The following CBARP variants were observed in gnomAD, a reference collection of about 807,000 sequenced individuals.
CBARP encodes voltage-dependent calcium channel beta subunit-associated regulatory protein.
In CBARP, 24 loss-of-function variants were observed where a neutral mutation model predicts 36.3. That is an observed-to-expected ratio of 0.66 (90% CI 0.48 to 0.93). The LOEUF is 0.93. Among genes scored for constraint, CBARP ranks in the 40% least tolerant of loss-of-function variants. CBARP has a pLI of 0.00. For synonymous variants in CBARP, 586 were observed against 453.2 expected, an observed-to-expected ratio of 1.29 and a Z score of -3.72; for missense variants, 1,146 against 980.4, an observed-to-expected ratio of 1.17 and a Z score of -2.26.
rs1425389141 is a variant in CBARP at position 1,233,652 on chromosome 19, G to A, written c.769-16C>T. On this transcript the variant is annotated splice_polypyrimidine_tract_variant and intron_variant, in intron 7 of 9. Coordinates refer to ENST00000650044, the MANE Select transcript of CBARP (RefSeq NM_001393918.1). ...CGGCATCCAACTGGCAGGGAACAGA[G>A]ATGGCGCTCAGGCTAAGACTTCTTC... 1 of 1,600,796 alleles carries A rather than the reference G, an allele frequency of 6.2e-7. No individual in the cohort carries two copies. The highest frequency in any genetic ancestry group is 8.5e-7 in the Non-Finnish European group (1 of 1,174,138).
chr19:1,229,379 T>C lies in CBARP; in HGVS notation c.1918A>G (p.Ile640Val). 2.6e-6 allele frequency: 3 copies of C among 1,143,828 alleles called. No homozygotes were observed. Among genetic ancestry groups the C allele is most frequent in the Non-Finnish European group, 3.3e-6 (3 of 915,008 alleles). The allele number at this position is 1,143,828 out of a possible 1,614,324, so 70.9% of individuals were successfully genotyped here. Residue 640 changes from isoleucine to valine, a missense_variant, in exon 10 of 10, where the codon ATC becomes GTC. Transcript: ENST00000650044. This position sits in a 1 kb window ranked among gnomAD's most constrained non-coding sequence, Gnocchi z 5.1. ...TLGGAGDDPA[I>V]PVIEEEPGGG... ...CCCGGCTCCTCCTCGATGACGGGGATGGCGGGGTCGTCGCCGGCGCCGCCC... is the reference window on the plus strand; with the variant it reads ...CCCGGCTCCTCCTCGATGACGGGGACGGCGGGGTCGTCGCCGGCGCCGCCC...
rs960829290 is a variant in CBARP, at chr19:1,229,728, G to A, written c.1569C>T (p.Pro523=). ...AGDDTEPPAA[P]ARPRSPRAWP... Reference sequence around the variant, plus strand: ...AGGCGCGCGGGCTGCGGGGCCGGGCGGGCGCGGCAGGTGGCTCGGTGTCGT... The same window carrying A: ...AGGCGCGCGGGCTGCGGGGCCGGGCAGGCGCGGCAGGTGGCTCGGTGTCGT... Residue 523 remains proline (P), a synonymous_variant, in exon 10 of 10, where the codon CCC becomes CCT. Transcript: ENST00000650044. The surrounding 1 kb of genome is among the most constrained non-coding windows in gnomAD (Gnocchi z 5.1). The A allele has an allele frequency of 6.1e-6, 6 of 984,014 alleles. No homozygotes were observed. Among genetic ancestry groups the A allele is most frequent in the African/African-American group, 1.8e-5 (1 of 56,192 alleles). 61.0% of individuals were successfully genotyped at this position (984,014 alleles called of 1,614,324 possible).
intron 4 of CBARP, 177 bp downstream of exon 4, chr19:1,235,324 C>A: frequency 9.6e-7 from 1 of 1,044,958 alleles, no homozygotes; most frequent in East Asian, 2.8e-5. Context: ...GCTCAGCACG[C>A]GCCTGGGCCC....
chr19:1,231,690 A>T (rs1475438709), intron 8 of CBARP, among the ~76,000 whole-genome samples: 1 of 149,674 alleles, frequency 6.7e-6, no homozygotes, highest in Non-Finnish European at 1.5e-5. Flanking sequence ...TCTCTGTCTC[A>T]CACACACAGG....
In CBARP at chr19:1,229,273, T is replaced by C. The variant is rs1351819346; in HGVS notation, c.2024A>G (p.Glu675Gly). ...VLDKLAAGLD[E>G]RLFPPRLAEP... ...GGCGAGGCGCGGCGGAAAGAGTCTC[T>C]CGTCGAGGCCAGCCGCCAGCTTGTC... The change falls in exon 10 of 10, where the codon GAG becomes GGG. Residue 675 changes from glutamate to glycine, a missense_variant. Glu to Gly is a moderately conservative substitution (Grantham distance 98). Transcript: ENST00000650044. The surrounding 1 kb of genome is among the most constrained non-coding windows in gnomAD (Gnocchi z 5.1). The C allele has an allele frequency of 2.6e-5, 32 of 1,253,198 alleles. No homozygotes were observed. Among genetic ancestry groups the C allele is most frequent in the Non-Finnish European group, 3.1e-5 (30 of 974,942 alleles). The allele number at this position is 1,253,198 out of a possible 1,614,324, so 77.6% of individuals were successfully genotyped here. A position where few individuals can be genotyped will look rare whatever the true frequency, so the allele number is the denominator to read the frequency against.
chr19:1,234,199 C>G lies in CBARP; in HGVS notation c.760G>C (p.Gly254Arg). The G allele has an allele frequency of 6.6e-7, 1 of 1,522,804 alleles. No individual in the cohort carries two copies. The highest frequency in any genetic ancestry group is 8.8e-7 in the Non-Finnish European group (1 of 1,139,852). 94.3% of individuals were successfully genotyped at this position (1,522,804 alleles called of 1,614,324 possible). A position where few individuals can be genotyped will look rare whatever the true frequency, so the allele number is the denominator to read the frequency against. The part of the protein sequence containing the change: ...SPSASSDSGE[G>R]TSLDAGTRST... The stretch of plus-strand genomic sequence containing the variant: ...CACGCAGGGGCCCTCACCGAGGTGC[C>G]TTCCCCAGAGTCGCTAGATGCCGAG... Residue 254 changes from glycine to arginine, a missense_variant, in exon 7 of 10, where the codon GGC becomes CGC. Physicochemically the swap from Gly to Arg is moderately radical, Grantham distance 125. Coordinates refer to ENST00000650044, the MANE Select transcript of CBARP (RefSeq NM_001393918.1).
chr19:1,235,806 C>T lies in CBARP; in HGVS notation c.218G>A (p.Cys73Tyr), dbSNP rs752257864. 1.2e-6 allele frequency: 2 copies of T among 1,609,324 alleles called. No homozygotes were observed. Among genetic ancestry groups the T allele is most frequent in the Non-Finnish European group, 1.7e-6 (2 of 1,179,920 alleles). The change falls in exon 3 of 10, where the codon TGC (cysteine) becomes TAC (tyrosine). Residue 73 changes from cysteine (C) to tyrosine (Y), a missense_variant. Physicochemically the swap from Cys to Tyr is radical, Grantham distance 194. Coordinates refer to ENST00000650044, the MANE Select transcript of CBARP (RefSeq NM_001393918.1). Reference sequence around the variant, plus strand: ...GTTGAGGCGCTGGTGGACGTCCCAGCAGCGCTTGCAGAGGAGCAGGACGCC... The same window carrying T: ...GTTGAGGCGCTGGTGGACGTCCCAGTAGCGCTTGCAGAGGAGCAGGACGCC... ...LSGVLLLCKR[C>Y]WDVHQRLNRA...
rs2080900893 is a variant in CBARP, at chr19:1,232,017, GC to G, written c.980-743del. 3.3e-5 allele frequency among the ~76,000 whole-genome samples: 5 copies of G among 152,196 alleles called. No homozygotes were observed. The South Asian group carries it at 1.0e-3, about 32-fold the overall frequency. On this transcript the variant is annotated intron_variant, in intron 8 of 9. Coordinates refer to ENST00000650044, the MANE Select transcript of CBARP (RefSeq NM_001393918.1). Reference sequence around the variant, plus strand: ...GAGAGTCACATACAGGCTGGTGGGGGCCAACGAGGAGAGGGAGAGAGGTGCC... The same window carrying G: ...GAGAGTCACATACAGGCTGGTGGGGGCAACGAGGAGAGGGAGAGAGGTGCC...
In CBARP at chr19:1,231,190, G is replaced by T. The variant is rs1451640218; in HGVS notation, c.1065C>A (p.Asp355Glu). The change falls in exon 9 of 10, where the codon GAC becomes GAA. Residue 355 changes from aspartate (D) to glutamate (E), a missense_variant. Asp to Glu is a conservative substitution (Grantham distance 45). Coordinates refer to ENST00000650044, the MANE Select transcript of CBARP (RefSeq NM_001393918.1). ...EQEEGDAPQE[D>E]FIQYIARAGD... ...CCGCCCGGGCAATGTACTGGATGAA[G>T]TCCTCCTGGGGGGCATCCCCCTCCT... is the stretch of plus-strand genomic sequence containing the variant. The T allele has an allele frequency of 6.9e-6, 11 of 1,603,656 alleles. No homozygotes were observed. Among genetic ancestry groups the T allele is most frequent in the Non-Finnish European group, 8.5e-6 (10 of 1,178,868 alleles).
At position 1,229,544 on chromosome 19, in the gene CBARP, G is replaced by C. The variant is rs1212693634; in HGVS notation, c.1753C>G (p.Arg585Gly). 1.0e-6 allele frequency: 1 copy of C among 993,274 alleles called. No individual in the cohort carries two copies. Among genetic ancestry groups the C allele is most frequent in the Non-Finnish European group, 1.2e-6 (1 of 833,696 alleles). The allele number at this position is 993,274 out of a possible 1,614,324, so 61.5% of individuals were successfully genotyped here. A position where few individuals can be genotyped will look rare whatever the true frequency, so the allele number is the denominator to read the frequency against. Reference sequence around the variant, plus strand: ...CGGGCGCCGGGGTCGCTGTGCTGCCGGCCACGCTGCCACTGTTTGCGGGCG... The same window carrying C: ...CGGGCGCCGGGGTCGCTGTGCTGCCCGCCACGCTGCCACTGTTTGCGGGCG... ...PHARKQWQRG[R>G]QHSDPGARAA... is the part of the protein sequence containing the mutation. The change falls in exon 10 of 10, where the codon CGG becomes GGG. Residue 585 changes from arginine (R) to glycine (G), a missense_variant. By Grantham distance (125) the Arg-to-Gly change is moderately radical (BLOSUM62 -2). Transcript: ENST00000650044. The surrounding 1 kb of genome is among the most constrained non-coding windows in gnomAD (Gnocchi z 5.1).
At chr19:1,235,363 G>A (rs2080953519) in intron 4 of CBARP, 138 bp downstream of exon 4, 2 of 1,127,404 alleles carry the variant, frequency 1.8e-6, no homozygotes, top group Non-Finnish European at 2.5e-6. Context: ...AGGAAACAGA[G>A]ATGAGTCGGA....
chr19:1,235,401 A>C, intron 4 of CBARP, 100 bp downstream of exon 4: 2 of 1,284,412 alleles, frequency 1.6e-6, no homozygotes, highest in South Asian at 2.9e-5. Flanking sequence ...CTGGTGGGGG[A>C]GACAGACAGA....
chr19:1,233,600 G>A lies in CBARP; in HGVS notation c.805C>T (p.Pro269Ser), dbSNP rs2080922981. The A allele has an allele frequency of 1.2e-6, 2 of 1,610,128 alleles. No individual in the cohort carries two copies. The highest frequency in any genetic ancestry group is 2.2e-5 in the East Asian group (1 of 44,848). The change falls in exon 8 of 10, where the codon CCC (proline) becomes TCC (serine). Residue 269 changes from proline (P) to serine (S), a missense_variant. Coordinates refer to ENST00000650044, the MANE Select transcript of CBARP (RefSeq NM_001393918.1). ...AGTRSTKAGG[P>S]GAAAGPGEAG... ...TCCCCAGGCCCTGCTGCAGCCCCGG[G>A]CCCTCCAGCCTTGGTGCTCCTGGTA...
Position 1,235,773 on chromosome 19 carries a change from T to C in CBARP, c.245+6A>G, listed in dbSNP as rs547658296. On this transcript the variant is annotated splice_donor_region_variant and intron_variant, in intron 3 of 9. Transcript: ENST00000650044. Reference sequence around the variant, plus strand: ...CACCTGCCCAGCCGAGGTGGGGGCCTCGCACCTGTTGAGGCGCTGGTGGAC... The same window carrying C: ...CACCTGCCCAGCCGAGGTGGGGGCCCCGCACCTGTTGAGGCGCTGGTGGAC... 1.9e-6 allele frequency: 3 copies of C among 1,606,706 alleles called. No homozygotes were observed. The African/African-American group carries it at 4.0e-5, about 21-fold the overall frequency.
chr19:1,229,999 C>T lies in CBARP; in HGVS notation c.1298G>A (p.Ser433Asn). Residue 433 changes from serine to asparagine, a missense_variant, in exon 10 of 10, where the codon AGC becomes AAC. By Grantham distance (46) the Ser-to-Asn change is conservative. Transcript: ENST00000650044. The surrounding 1 kb of genome is among the most constrained non-coding windows in gnomAD (Gnocchi z 5.1). Reference sequence around the variant, plus strand: ...GCGCAGGCTCCACAGGTCGCGGTAGCTGGTCTGGGCCTGCTCGGGGCCCGC... The same window carrying T: ...GCGCAGGCTCCACAGGTCGCGGTAGTTGGTCTGGGCCTGCTCGGGGCCCGC... ...RDAGPEQAQT[S>N]YRDLWSLRAS... 1 of 1,232,388 alleles carries T rather than the reference C, an allele frequency of 8.1e-7. No individual in the cohort carries two copies. The highest frequency in any genetic ancestry group is 1.0e-6 in the Non-Finnish European group (1 of 965,130). The allele number at this position is 1,232,388 out of a possible 1,614,324, so 76.3% of individuals were successfully genotyped here.
At chr19:1,236,199 C>G (rs1200280046) in intron 1 of CBARP, 78 bp from the exon 2 acceptor site, 1 of 1,345,306 alleles carries the variant, frequency 7.4e-7, no homozygotes, top group African/African-American at 1.5e-5. Context: ...CTGGGTCTTC[C>G]CTGCAGGAGC....
intron 8 of CBARP, among the ~76,000 whole-genome samples, chr19:1,232,579 C>T (rs2080908256): frequency 6.6e-6 from 1 of 152,170 alleles, no homozygotes; most frequent in African/African-American, 2.4e-5. Context: ...CTGCTCCCCA[C>T]ACAAACTCCT....
Position 1,236,049 on chromosome 19 carries a change from T to C in CBARP, c.52A>G (p.Thr18Ala). 1 of 1,385,196 alleles carries C rather than the reference T, an allele frequency of 7.2e-7. No individual in the cohort carries two copies. The highest frequency in any genetic ancestry group is 1.6e-5 in the South Asian group (1 of 62,232). The allele number at this position is 1,385,196 out of a possible 1,614,324, so 85.8% of individuals were successfully genotyped here. A position where few individuals can be genotyped will look rare whatever the true frequency, so the allele number is the denominator to read the frequency against. ...GACGTCGTCAGGGCTACTGTGGCAG[T>C]GGTGGTGGTGGTGGTGGTGGCGGCT... ...ATAATTTTTTTATVALTTSWD... is the reference protein window; with the variant it reads ...ATAATTTTTTAATVALTTSWD... Residue 18 changes from threonine (T) to alanine (A), a missense_variant, in exon 2 of 10, where the codon ACT becomes GCT. Coordinates refer to ENST00000650044, the MANE Select transcript of CBARP (RefSeq NM_001393918.1).
intron 9 of CBARP, chr19:1,230,836 G>C: frequency 2.0e-6 from 3 of 1,478,304 alleles, no homozygotes; most frequent in Non-Finnish European, 2.7e-6. Context: ...CCACCAGCAA[G>C]CAGCAGTACC....
Sources: gnomAD v4.1 joint callset for allele counts (sites outside exome capture counted in the v4.1 genomes callset) on GRCh38, gnomAD v4.1.1 for gene constraint, Gnocchi (gnomAD v3.1) non-coding constraint, MANE v1.5 for transcripts, NCBI Gene and HGNC (gene_info 2026-07-23, HGNC 2026-07-21) for gene names.